OGFOD1: variants seen among roughly 807,000 people sequenced by gnomAD.
The protein encoded by OGFOD1 is prolyl 3-hydroxylase OGFOD1.
In OGFOD1, 54 loss-of-function variants were observed where a neutral mutation model predicts 67.7. The ratio of observed to expected loss-of-function variants is 0.80; its 90% CI spans 0.64 to 1.00. The LOEUF is 1.00. OGFOD1 is among the 50% of genes least tolerant of loss of function. The probability of loss-of-function intolerance (pLI) is 0.00; values close to 1 mark genes in which losing one functional copy is unlikely to be tolerated. For missense variants in OGFOD1, 606 were observed against 646.7 expected (o/e 0.94, Z 0.68); for synonymous variants, 221 against 227.0 (o/e 0.97, Z 0.24).
rs1963591741 is a variant in OGFOD1 at position 56,478,973 on chromosome 16, A to G, written c.*2768A>G. 1 of 152,192 alleles carries G rather than the reference A, an allele frequency of 6.6e-6. No individual in the cohort carries two copies. The highest frequency in any genetic ancestry group is 1.5e-5 in the Non-Finnish European group (1 of 68,038). The allele number at this position is 152,192 out of a possible 1,614,324, so 9.4% of individuals were successfully genotyped here. On this transcript the variant is annotated 3_prime_UTR_variant, in exon 13 of 13. Transcript: ENST00000566157. ...AAGTTTGTTTTCCTTATAGTACTTC[A>G]TTTTGCATCTTGATTGCTTTTTAGG...
chr16:56,475,954 G>T, intron 12 of OGFOD1, 90 bp from the exon 13 acceptor site: 1 of 1,206,756 alleles, frequency 8.3e-7, no homozygotes, highest in Admixed American at 2.3e-5. Flanking sequence ...TTAAGTGCTT[G>T]ATATGGAAAC....
chr16:56,469,326 T>C (rs1011178495), intron 8 of OGFOD1, among the ~76,000 whole-genome samples: 1 of 152,220 alleles, frequency 6.6e-6, no homozygotes, highest in East Asian at 1.9e-4. Flanking sequence ...TTGATTGTAA[T>C]GCAGTTTAAT....
At chr16:56,451,553 A>T (rs1187861049), upstream of OGFOD1, 1 of 1,574,164 alleles carries the variant, frequency 6.4e-7, no homozygotes. Flanking sequence ...CGGGAGTTGC[A>T]GTACCCTCAG....
intron 2 of OGFOD1, chr16:56,454,862 A>C: frequency 2.6e-6 from 1 of 386,024 alleles, no homozygotes; most frequent in Non-Finnish European, 5.1e-6. Context: ...ACCAGGATAA[A>C]TACATGAAAG....
In OGFOD1 at chr16:56,451,604, T is replaced by C. The variant is rs1264416850; in HGVS notation, c.-9T>C. On this transcript the variant is annotated 5_prime_UTR_variant, in exon 1 of 13. Transcript: ENST00000566157. ...ATCTGCGTGGCGTGGTTCTGTGCCT[T>C]GGGAAGAGATGAATGGGAAGCGGCC... 1.2e-6 allele frequency: 2 copies of C among 1,613,072 alleles called. No individual in the cohort carries two copies. The highest frequency in any genetic ancestry group is 1.7e-6 in the Non-Finnish European group (2 of 1,179,888).
At chr16:56,451,540 T>C (rs1303113381), upstream of OGFOD1, 38 of 1,519,496 alleles carry the variant, frequency 2.5e-5, no homozygotes, top group Non-Finnish European at 3.4e-5. Flanking sequence ...AAAGGGGACA[T>C]GCCGGGAGTT....
intron 10 of OGFOD1, among the ~76,000 whole-genome samples, chr16:56,472,564 T>C (rs1963248230): frequency 6.6e-6 from 1 of 152,186 alleles, no homozygotes; most frequent in South Asian, 2.1e-4. Context: ...TCTAGTGAGA[T>C]AACATTACAG....
In OGFOD1 at chr16:56,475,574, C is replaced by T; in HGVS notation, c.1467+9C>T. The T allele has an allele frequency of 1.2e-6, 2 of 1,611,514 alleles. No homozygotes were observed. Among genetic ancestry groups the T allele is most frequent in the Non-Finnish European group, 1.7e-6 (2 of 1,178,402 alleles). ...AAGGTGAAGATGAAGAGGTAAGTTT[C>T]TTCTGATAGCAAACTATCATTTTTA... On this transcript the variant is annotated intron_variant, in intron 12 of 12. Transcript: ENST00000566157.
intron 2 of OGFOD1, chr16:56,458,333 A>C: frequency 1.8e-6 from 1 of 562,154 alleles, no homozygotes; most frequent in Non-Finnish European, 3.2e-6. Flanking sequence ...ATAACGACTT[A>C]AGTATTTGTT....
intron 3 of OGFOD1, among the ~76,000 whole-genome samples, chr16:56,459,511 C>T (rs1962641058): frequency 1.3e-5 from 2 of 152,052 alleles, no homozygotes. Flanking sequence ...ACTATACAAC[C>T]ATTAAATATG....
At chr16:56,458,199 T>G in intron 2 of OGFOD1, 1 of 270,704 alleles carries the variant, frequency 3.7e-6, no homozygotes, top group East Asian at 1.0e-4. Flanking sequence ...TCCCCAGGCT[T>G]AGCACTCCCC....
intron 3 of OGFOD1, 126 bp from the exon 4 acceptor site, chr16:56,462,408 T>C: frequency 1.6e-6 from 1 of 629,638 alleles, no homozygotes; most frequent in Non-Finnish European, 2.9e-6. Context: ...TCAAATGAGA[T>C]CGGAGAATGG....
intron 2 of OGFOD1, chr16:56,454,803 C>A (rs1372746324): frequency 4.5e-6 from 2 of 445,058 alleles, no homozygotes; most frequent in African/African-American, 4.1e-5. Flanking sequence ...TGTATCCTGA[C>A]CTTCCCCAGA....
chr16:56,462,906 A>G (rs955520114), intron 4 of OGFOD1, among the ~76,000 whole-genome samples: 7 of 152,226 alleles, frequency 4.6e-5, no homozygotes, highest in African/African-American at 1.7e-4. Context: ...ATACAATATC[A>G]AGAAATTCAG....
intron 6 of OGFOD1, 69 bp from the exon 7 acceptor site, chr16:56,467,096 A>G (rs1962934480): frequency 6.2e-7 from 1 of 1,605,140 alleles, no homozygotes; most frequent in Admixed American, 1.7e-5. Context: ...GAGGACCCTG[A>G]AATTAATGTG....
intron 12 of OGFOD1, among the ~76,000 whole-genome samples, chr16:56,475,788 C>T (rs1963442361): frequency 6.6e-6 from 1 of 152,154 alleles, no homozygotes; most frequent in Non-Finnish European, 1.5e-5. Context: ...AAATTAAGAG[C>T]CATGTGGTGC....
In OGFOD1 at chr16:56,474,858, T is replaced by A. The variant is rs766008825; in HGVS notation, c.1316T>A (p.Leu439Gln). 1.7e-5 allele frequency: 27 copies of A among 1,613,076 alleles called. No individual in the cohort carries two copies. The highest frequency in any genetic ancestry group is 2.3e-5 in the Non-Finnish European group (27 of 1,179,258). The change falls in exon 11 of 13, where the codon CTG (leucine) becomes CAG (glutamine). Residue 439 changes from leucine to glutamine, a missense_variant. By Grantham distance (113) the Leu-to-Gln change is moderately radical. Transcript: ENST00000566157. ...AGTGTTCCCATGTGCCAAGGGGAACTGAGGCATTGGAAGACCGGTCACTAC... is the reference window on the plus strand; with the variant it reads ...AGTGTTCCCATGTGCCAAGGGGAACAGAGGCATTGGAAGACCGGTCACTAC... ...ESSVPMCQGE[L>Q]RHWKTGHYTL...
chr16:56,458,480 A>C, intron 2 of OGFOD1, 68 bp from the exon 3 acceptor site: 1 of 1,414,540 alleles, frequency 7.1e-7, no homozygotes, highest in Non-Finnish European at 1.0e-6. Flanking sequence ...ACACTCACTA[A>C]ACTGCTCTCC....
intron 11 of OGFOD1, 52 bp downstream of exon 11, chr16:56,475,002 T>G (rs780414624): frequency 6.3e-7 from 1 of 1,590,032 alleles, no homozygotes; most frequent in South Asian, 1.1e-5. Context: ...AGGGGCAGTC[T>G]CTTCTGAGGG....
Sources: allele counts gnomAD v4.1 joint callset (sites outside exome capture counted in the v4.1 genomes callset), GRCh38; gene constraint gnomAD v4.1.1; transcripts MANE v1.5; gene names NCBI Gene and HGNC (gene_info 2026-07-23, HGNC 2026-07-21).